CADPS: variants seen among roughly 807,000 people sequenced by gnomAD.
The protein encoded by CADPS is calcium dependent secretion activator, also known as calcium-dependent secretion activator 1.
Under a neutral mutation model 167.3 loss-of-function variants are expected in CADPS, and 57 were observed. The observed-to-expected ratio is 0.34, with a 90% CI of 0.28 to 0.42. The LOEUF (loss-of-function observed/expected upper bound fraction) is 0.42. Among genes scored for constraint, CADPS ranks in the 20% least tolerant of loss-of-function variants. CADPS has a pLI of 1.00. For missense variants in CADPS, 1,414 were observed against 1,738.1 expected (o/e 0.81, Z 3.32); for synonymous variants, 676 against 635.3 (o/e 1.06, Z -0.96).
chr3:62,595,484 G>T (rs2058778301), intron 6 of CADPS, among the ~76,000 whole-genome samples: 1 of 152,122 alleles, frequency 6.6e-6, no homozygotes, highest in Non-Finnish European at 1.5e-5. Context: ...AATTTCCTCA[G>T]CTATAAAATA....
intron 3 of CADPS, among the ~76,000 whole-genome samples, chr3:62,720,541 G>A (rs907353155): frequency 1.3e-5 from 2 of 152,010 alleles, no homozygotes; most frequent in South Asian, 2.1e-4. Flanking sequence ...GTCTTGTTAT[G>A]TTGTCCAGTC....
At chr3:62,872,881 G>C (rs951945699) in intron 1 of CADPS, among the ~76,000 whole-genome samples, 3 of 152,148 alleles carry the variant, frequency 2.0e-5, no homozygotes, top group Admixed American at 2.0e-4. Context: ...TTTTTGGCTG[G>C]TGCTGTTATT....
chr3:62,594,123 T>G (rs1266467731), intron 6 of CADPS, among the ~76,000 whole-genome samples: 1 of 150,150 alleles, frequency 6.7e-6, no homozygotes, highest in African/African-American at 2.4e-5. Flanking sequence ...TCATTATGAT[T>G]TTTTTTATTT....
chr3:62,710,566 T>C (rs75809185), intron 3 of CADPS, among the ~76,000 whole-genome samples: 13,036 of 152,150 alleles, frequency 0.086, 668 homozygotes, highest in South Asian at 0.16. Flanking sequence ...TTCAGCCTTC[T>C]AGAAGGCCCC....
intron 26 of CADPS, among the ~76,000 whole-genome samples, chr3:62,454,631 C>T (rs540040726): frequency 3.3e-5 from 5 of 152,128 alleles, no homozygotes; most frequent in African/African-American, 7.2e-5. Context: ...ATTAACTGAC[C>T]GCAAATAAGA....
intron 12 of CADPS, among the ~76,000 whole-genome samples, chr3:62,535,826 T>G (rs1002424457): frequency 1.3e-5 from 2 of 151,986 alleles, no homozygotes; most frequent in Non-Finnish European, 2.9e-5. Flanking sequence ...AGCTTTAAAA[T>G]AGGATTTCAG....
intron 3 of CADPS, among the ~76,000 whole-genome samples, chr3:62,666,434 T>C (rs906236387): frequency 1.3e-5 from 2 of 152,102 alleles, no homozygotes; most frequent in Admixed American, 1.3e-4. Flanking sequence ...TGAGCTTCCA[T>C]GGAAACAAGG....
intron 6 of CADPS, among the ~76,000 whole-genome samples, chr3:62,605,990 A>C (rs976699831): frequency 2.6e-5 from 4 of 151,816 alleles, no homozygotes; most frequent in African/African-American, 9.7e-5. Flanking sequence ...TGGCAAAAGG[A>C]CTTGTTCTCA....
At chr3:62,843,858 A>G (rs947813567) in intron 1 of CADPS, among the ~76,000 whole-genome samples, 1 of 152,168 alleles carries the variant, frequency 6.6e-6, no homozygotes, top group Non-Finnish European at 1.5e-5. Context: ...AAATCAGTAA[A>G]AAGAAGAGGA....
chr3:62,569,704 T>A (rs1464011264), intron 9 of CADPS, among the ~76,000 whole-genome samples: 1 of 152,212 alleles, frequency 6.6e-6, no homozygotes, highest in Admixed American at 6.5e-5. Context: ...CTCTAAATAT[T>A]AATCCTAGTC....
intron 3 of CADPS, among the ~76,000 whole-genome samples, chr3:62,749,929 A>G (rs1217395335): frequency 6.6e-6 from 1 of 152,204 alleles, no homozygotes; most frequent in East Asian, 1.9e-4. Context: ...ATGATCTAAG[A>G]GGGCCAGCCA....
At chr3:62,500,355 C>T (rs2065542938) in intron 17 of CADPS, 1 of 152,142 alleles carries the variant, frequency 6.6e-6, no homozygotes, top group African/African-American at 2.4e-5. Flanking sequence ...AGAGTTTCAC[C>T]TTGCTGGCCA....
chr3:62,783,901 T>C (rs2092090737), intron 1 of CADPS, among the ~76,000 whole-genome samples: 1 of 152,172 alleles, frequency 6.6e-6, no homozygotes, highest in Admixed American at 6.5e-5. Flanking sequence ...CACAAATGCA[T>C]ACACGTGTGA....
intron 3 of CADPS, among the ~76,000 whole-genome samples, chr3:62,711,974 G>A (rs1339004439): frequency 6.6e-6 from 1 of 151,982 alleles, no homozygotes; most frequent in Non-Finnish European, 1.5e-5. Context: ...GGATCATACT[G>A]CCAATTTTCT....
At chr3:62,686,865 G>C (rs776364529) in intron 3 of CADPS, among the ~76,000 whole-genome samples, 1 of 152,116 alleles carries the variant, frequency 6.6e-6, no homozygotes, top group East Asian at 1.9e-4. Context: ...TAGTTAGGCA[G>C]AAATGTATTT....
At chr3:62,856,483 A>G (rs1204604333) in intron 1 of CADPS, among the ~76,000 whole-genome samples, 1 of 152,094 alleles carries the variant, frequency 6.6e-6, no homozygotes, top group African/African-American at 2.4e-5. Flanking sequence ...TTTAAAACTG[A>G]TAAAATCATT....
intron 3 of CADPS, among the ~76,000 whole-genome samples, chr3:62,752,552 T>C (rs2082931042): frequency 6.6e-6 from 1 of 152,236 alleles, no homozygotes; most frequent in Admixed American, 6.5e-5. Context: ...GAGCATTCAC[T>C]CTGTGCCAAG....
intron 1 of CADPS, among the ~76,000 whole-genome samples, chr3:62,768,489 G>A (rs972920320): frequency 6.6e-6 from 1 of 152,056 alleles, no homozygotes; most frequent in African/African-American, 2.4e-5. Flanking sequence ...GTTGACCCAG[G>A]CCAAATCTAT....
chr3:62,495,241 AGC>A (rs1264467009), intron 18 of CADPS, among the ~76,000 whole-genome samples: 1 of 152,176 alleles, frequency 6.6e-6, no homozygotes, highest in African/African-American at 2.4e-5. Context: ...TGAGGACCAG[AGC>A]TATTTTTGTA....
Sources: allele counts gnomAD v4.1 joint callset (sites outside exome capture counted in the v4.1 genomes callset), GRCh38; gene constraint gnomAD v4.1.1; transcripts MANE v1.5; gene names NCBI Gene and HGNC (gene_info 2026-07-23, HGNC 2026-07-21).